BMPR1B: variants seen among roughly 807,000 people sequenced by gnomAD.
The protein encoded by BMPR1B is bone morphogenetic protein receptor type 1B, also known as bone morphogenetic protein receptor type-1B.
In BMPR1B, 12 loss-of-function variants were observed where a neutral mutation model predicts 59.1. The ratio of observed to expected loss-of-function variants is 0.20; its 90% CI spans 0.13 to 0.33. The LOEUF (loss-of-function observed/expected upper bound fraction) is 0.33. BMPR1B is among the 10% of genes least tolerant of loss of function. The probability of loss-of-function intolerance (pLI) is 1.00; values close to 1 mark genes in which losing one functional copy is unlikely to be tolerated. For missense variants in BMPR1B, 550 were observed against 610.9 expected, an observed-to-expected ratio of 0.90 and a Z score of 1.05; for synonymous variants, 237 against 207.3, an observed-to-expected ratio of 1.14 and a Z score of -1.23.
At chr4:95,041,107 C>T (rs1316061058) in intron 3 of BMPR1B, among the ~76,000 whole-genome samples, 1 of 152,160 alleles carries the variant, frequency 6.6e-6, no homozygotes, top group Non-Finnish European at 1.5e-5. Context: ...TGTACATTGG[C>T]ACGATCATGG....
intron 3 of BMPR1B, among the ~76,000 whole-genome samples, chr4:95,082,712 A>T (rs993839728): frequency 6.6e-6 from 1 of 152,122 alleles, no homozygotes; most frequent in Admixed American, 6.5e-5. Flanking sequence ...CATGCTGTAG[A>T]TTTGAAAAAA....
At chr4:95,079,217 A>G (rs1186104357) in intron 3 of BMPR1B, among the ~76,000 whole-genome samples, 2 of 152,254 alleles carry the variant, frequency 1.3e-5, no homozygotes, top group East Asian at 3.8e-4. Context: ...GAGATAGGAC[A>G]GAATCATAAA....
At chr4:95,120,277 C>A (rs1012578151) in intron 6 of BMPR1B, among the ~76,000 whole-genome samples, 2 of 152,116 alleles carry the variant, frequency 1.3e-5, no homozygotes, top group Non-Finnish European at 2.9e-5. Flanking sequence ...CATTGATGAG[C>A]AACTACGTTG....
chr4:95,123,274 A>C (rs1732655394), intron 6 of BMPR1B, among the ~76,000 whole-genome samples: 1 of 152,206 alleles, frequency 6.6e-6, no homozygotes, highest in South Asian at 2.1e-4. Context: ...TTTGTTTAAA[A>C]CAACGCACAA....
chr4:94,828,865 T>G (rs997144433), intron 1 of BMPR1B, among the ~76,000 whole-genome samples: 2 of 152,128 alleles, frequency 1.3e-5, no homozygotes, highest in African/African-American at 4.8e-5. Context: ...GGAACATAGT[T>G]TAAAAAATAA....
At chr4:94,911,533 TC>T (rs1352223967) in intron 2 of BMPR1B, among the ~76,000 whole-genome samples, 1 of 152,072 alleles carries the variant, frequency 6.6e-6, no homozygotes, top group Non-Finnish European at 1.5e-5. Context: ...TTTCCGGGAG[TC>T]CTCTAGTAGC....
intron 3 of BMPR1B, among the ~76,000 whole-genome samples, chr4:94,998,146 A>C (rs1387930248): frequency 2.0e-5 from 3 of 152,158 alleles, no homozygotes; most frequent in Non-Finnish European, 4.4e-5. Flanking sequence ...TGTCAGTATT[A>C]TTTTTGGCTC....
At chr4:95,072,284 A>G (rs905434376) in intron 3 of BMPR1B, among the ~76,000 whole-genome samples, 2 of 152,138 alleles carry the variant, frequency 1.3e-5, no homozygotes, top group African/African-American at 4.8e-5. Flanking sequence ...TTCAATGTTA[A>G]TCTCATCCAA....
chr4:94,819,199 G>C (rs942854735), intron 1 of BMPR1B, among the ~76,000 whole-genome samples: 3 of 151,808 alleles, frequency 2.0e-5, no homozygotes, highest in African/African-American at 7.3e-5. Flanking sequence ...CAGATTTATA[G>C]TTAGAACTTT....
chr4:94,886,107 A>G (rs951163672), intron 2 of BMPR1B, among the ~76,000 whole-genome samples: 15 of 152,222 alleles, frequency 9.9e-5, no homozygotes, highest in African/African-American at 3.6e-4. Context: ...GCTATGCCTA[A>G]GTTATAAATT....
At chr4:94,964,469 CTT>C (rs1442637949) in intron 2 of BMPR1B, among the ~76,000 whole-genome samples, 1 of 152,084 alleles carries the variant, frequency 6.6e-6, no homozygotes, top group Non-Finnish European at 1.5e-5. Context: ...TTGGCAAAGA[CTT>C]TTTTCTTCTA....
intron 3 of BMPR1B, among the ~76,000 whole-genome samples, chr4:95,037,767 G>A (rs996090315): frequency 1.3e-5 from 2 of 151,994 alleles, no homozygotes; most frequent in Admixed American, 1.3e-4. Flanking sequence ...ATGACATGAG[G>A]GGTCATATAC....
chr4:95,125,494 A>G (rs1221754593), intron 8 of BMPR1B, among the ~76,000 whole-genome samples: 2 of 152,146 alleles, frequency 1.3e-5, no homozygotes, highest in Non-Finnish European at 1.5e-5. Context: ...TTCTACAAAG[A>G]AAGAGGGTTG....
intron 2 of BMPR1B, among the ~76,000 whole-genome samples, chr4:94,988,682 T>G (rs1015055699): frequency 1.3e-5 from 2 of 152,196 alleles, no homozygotes; most frequent in Non-Finnish European, 2.9e-5. Context: ...ATAATGGGTA[T>G]GTATTACAAT....
intron 3 of BMPR1B, among the ~76,000 whole-genome samples, chr4:95,083,256 A>G (rs1354924164): frequency 6.6e-6 from 1 of 152,052 alleles, no homozygotes; most frequent in Non-Finnish European, 1.5e-5. Flanking sequence ...GACCACACCA[A>G]AAGAGTTCAA....
At chr4:94,878,749 T>C (rs1726839758) in intron 2 of BMPR1B, among the ~76,000 whole-genome samples, 1 of 151,824 alleles carries the variant, frequency 6.6e-6, no homozygotes, top group African/African-American at 2.4e-5. Flanking sequence ...TTTTTTTTTT[T>C]TTTACTTCTG....
intron 2 of BMPR1B, among the ~76,000 whole-genome samples, chr4:94,906,107 G>T (rs1056445354): frequency 6.6e-6 from 1 of 151,856 alleles, no homozygotes; most frequent in Non-Finnish European, 1.5e-5. Context: ...TGTGAATAGT[G>T]TTTGGATATA....
At chr4:94,965,270 T>C (rs552695010) in intron 2 of BMPR1B, among the ~76,000 whole-genome samples, 2 of 152,280 alleles carry the variant, frequency 1.3e-5, no homozygotes, top group East Asian at 3.9e-4. Flanking sequence ...TCTTTTGTTG[T>C]CACCTTAGTT....
chr4:94,772,308 T>C (rs757502432), intron 1 of BMPR1B, among the ~76,000 whole-genome samples: 1 of 152,138 alleles, frequency 6.6e-6, no homozygotes, highest in Non-Finnish European at 1.5e-5. Context: ...TTTTTTGGCA[T>C]AGCAAAATGC....
Sources: gnomAD v4.1 joint callset for allele counts (sites outside exome capture counted in the v4.1 genomes callset) on GRCh38, gnomAD v4.1.1 for gene constraint, MANE v1.5 for transcripts, NCBI Gene and HGNC (gene_info 2026-07-23, HGNC 2026-07-21) for gene names.